VPS13D: variants seen among roughly 807,000 people sequenced by gnomAD.
The protein encoded by VPS13D is intermembrane lipid transfer protein VPS13D.
VPS13D carries 187 observed loss-of-function variants against 461.9 expected under a neutral mutation model. That is an observed-to-expected ratio of 0.40 (90% CI 0.36 to 0.46). VPS13D has a LOEUF of 0.46. Among genes scored for constraint, VPS13D ranks in the 20% least tolerant of loss-of-function variants. The pLI is 0.60. For missense variants in VPS13D, 4,711 were observed against 5,364.9 expected, an observed-to-expected ratio of 0.88 and a Z score of 3.81; for synonymous variants, 1,951 against 1,986.3, an observed-to-expected ratio of 0.98 and a Z score of 0.47.
intron 26 of VPS13D, among the ~76,000 whole-genome samples, chr1:12,306,331 C>T (rs1642564176): frequency 6.6e-6 from 1 of 152,154 alleles, no homozygotes; most frequent in Non-Finnish European, 1.5e-5. Flanking sequence ...CGAATTTTGG[C>T]AGTCTGACTC....
At chr1:12,354,734 T>G (rs903927975) in intron 47 of VPS13D, among the ~76,000 whole-genome samples, 1 of 152,230 alleles carries the variant, frequency 6.6e-6, no homozygotes, top group Admixed American at 6.5e-5. Flanking sequence ...TATAAACGTT[T>G]GCTAAGCACT....
chr1:12,499,798 T>C (rs1389872280), intron 68 of VPS13D: 3 of 985,242 alleles, frequency 3.0e-6, no homozygotes, highest in African/African-American at 3.5e-5. Flanking sequence ...TCCTCTGAAG[T>C]GTCCTCAGTT....
In VPS13D at chr1:12,276,077, G is replaced by A. The variant is rs143833298; in HGVS notation, c.2489G>A (p.Arg830Gln). The part of the protein sequence containing the change: ...SFMDLQIMVG[R>Q]VKDNWKHVQD... ...ATGGACCTCCAGATCATGGTTGGAC[G>A]AGTGAAAGACAATTGGAAGCATGTC... The change falls in exon 19 of 70, where the codon CGA becomes CAA. Residue 830 changes from arginine to glutamine, a missense_variant. Physicochemically the swap from Arg to Gln is conservative, Grantham distance 43 (BLOSUM62 1). Around this residue, in one of 3 missense-constraint regions of VPS13D, gnomAD observed 4,411 missense variants for 4,937.8 expected, o/e 0.89. Transcript: ENST00000620676. This position sits in a 1 kb window ranked among gnomAD's most constrained non-coding sequence, Gnocchi z 4.5. The A allele has an allele frequency of 8.2e-5, 133 of 1,614,112 alleles. No individual in the cohort carries two copies. In the East Asian group the frequency reaches 2.9e-3, roughly 35 times the overall value.
intron 13 of VPS13D, among the ~76,000 whole-genome samples, chr1:12,262,468 T>G (rs1463267579): frequency 6.6e-6 from 1 of 152,138 alleles, no homozygotes; most frequent in Non-Finnish European, 1.5e-5. Context: ...GGGCTAGAGA[T>G]AGGTAGTATG....
intron 42 of VPS13D, chr1:12,344,883 A>C (rs1028319677): frequency 1.3e-5 from 2 of 152,954 alleles, no homozygotes; most frequent in African/African-American, 4.8e-5. Context: ...GAGCCCTGAA[A>C]TGAGCGCTGT....
At chr1:12,379,318 C>T (rs1644241777) in intron 56 of VPS13D, among the ~76,000 whole-genome samples, 170 bp from the exon 57 acceptor site, 1 of 152,138 alleles carries the variant, frequency 6.6e-6, no homozygotes, top group South Asian at 2.1e-4. Flanking sequence ...TTCCTCTTTT[C>T]TTATCAAGAG....
At chr1:12,296,590 A>G (rs1379269434) in intron 24 of VPS13D, among the ~76,000 whole-genome samples, 1 of 152,178 alleles carries the variant, frequency 6.6e-6, no homozygotes, top group Admixed American at 6.5e-5. Context: ...TATTTTTAAC[A>G]TTTAAATTGC....
At chr1:12,469,230 C>A (rs1221650530) in intron 67 of VPS13D, among the ~76,000 whole-genome samples, 3 of 152,176 alleles carry the variant, frequency 2.0e-5, no homozygotes, top group Non-Finnish European at 4.4e-5. Context: ...GGACCCCCTG[C>A]GGAACCCCAG....
At chr1:12,245,484 T>A (rs1200387845) in intron 5 of VPS13D, among the ~76,000 whole-genome samples, 5 of 152,246 alleles carry the variant, frequency 3.3e-5, no homozygotes, top group African/African-American at 1.2e-4. Context: ...GTGTACAATT[T>A]AATGTTTTTT....
At chr1:12,292,262 CAAAAAAAAAAAAA>C (rs766212937) in intron 23 of VPS13D, among the ~76,000 whole-genome samples, 1 of 12,244 alleles carries the variant, frequency 8.2e-5, no homozygotes, top group Non-Finnish European at 1.4e-4. Flanking sequence ...AACTCCATCT[CAAAAAAAAAAAAA>C]AAAAAAAAAA....
intron 2 of VPS13D, among the ~76,000 whole-genome samples, chr1:12,235,663 C>T (rs1045032565): frequency 6.6e-6 from 1 of 152,160 alleles, no homozygotes; most frequent in African/African-American, 2.4e-5. Flanking sequence ...GCAGAGCCGT[C>T]ATGGTCACGC....
intron 1 of VPS13D, among the ~76,000 whole-genome samples, chr1:12,230,560 T>G (rs1235914014): frequency 6.6e-6 from 1 of 152,134 alleles, no homozygotes; most frequent in East Asian, 1.9e-4. Context: ...AGGACCCCAG[T>G]GTGCGAGCCC....
intron 29 of VPS13D, among the ~76,000 whole-genome samples, chr1:12,313,708 AC>A (rs1642817858): frequency 6.6e-6 from 1 of 152,162 alleles, no homozygotes. Flanking sequence ...AGTTGGACAG[AC>A]CCTGGAGAGT....
intron 63 of VPS13D, among the ~76,000 whole-genome samples, chr1:12,412,076 C>G (rs1038866840): frequency 6.6e-6 from 1 of 152,244 alleles, no homozygotes; most frequent in South Asian, 2.1e-4. Flanking sequence ...CATTTTAAAT[C>G]TACCACAGTA....
chr1:12,283,516 G>T lies in VPS13D; in HGVS notation c.5414G>T (p.Arg1805Leu). 6.2e-7 allele frequency: 1 copy of T among 1,614,162 alleles called. No individual in the cohort carries two copies. Among genetic ancestry groups the T allele is most frequent in the Non-Finnish European group, 8.5e-7 (1 of 1,180,032 alleles). ...CCAGAATTCTCTTCCAGTTACAATCGAGTTAACCGGAGCATTGATGTTGAT... is the reference window on the plus strand; with the variant it reads ...CCAGAATTCTCTTCCAGTTACAATCTAGTTAACCGGAGCATTGATGTTGAT... ...KHPEFSSSYN[R>L]VNRSIDVDFN... The change falls in exon 21 of 70, where the codon CGA (arginine) becomes CTA (leucine). Residue 1805 changes from arginine to leucine, a missense_variant. Coordinates refer to ENST00000620676, the MANE Select transcript of VPS13D (RefSeq NM_015378.4).
chr1:12,339,151 A>T (rs900834564), intron 40 of VPS13D, among the ~76,000 whole-genome samples: 1 of 152,112 alleles, frequency 6.6e-6, no homozygotes, highest in Non-Finnish European at 1.5e-5. Flanking sequence ...GGGAGGGCTC[A>T]CAAAGAAAGC....
At chr1:12,493,592 A>G (rs959527411) in intron 67 of VPS13D, among the ~76,000 whole-genome samples, 1 of 152,206 alleles carries the variant, frequency 6.6e-6, no homozygotes, top group Non-Finnish European at 1.5e-5. Flanking sequence ...CTGAGCATGA[A>G]CAAATGTAGG....
intron 41 of VPS13D, 97 bp from the exon 42 acceptor site, chr1:12,342,802 T>G: frequency 7.2e-7 from 1 of 1,389,734 alleles, no homozygotes; most frequent in Non-Finnish European, 9.7e-7. Flanking sequence ...TGCTGGGAAT[T>G]GAGTTGTGAG....
chr1:12,334,000 T>A (rs764632687), intron 38 of VPS13D, among the ~76,000 whole-genome samples: 1 of 152,262 alleles, frequency 6.6e-6, no homozygotes, highest in Non-Finnish European at 1.5e-5. Flanking sequence ...ATTCATTGTT[T>A]GATTTATTGA....
Sources: allele counts gnomAD v4.1 joint callset (sites outside exome capture counted in the v4.1 genomes callset), GRCh38; gene constraint gnomAD v4.1.1; regional missense constraint gnomAD v4.1.1; non-coding constraint Gnocchi (gnomAD v3.1); transcripts MANE v1.5; gene names NCBI Gene and HGNC (gene_info 2026-07-23, HGNC 2026-07-21).